USP54: variants seen among roughly 807,000 people sequenced by gnomAD.
USP54 encodes ubiquitin carboxyl-terminal hydrolase 54.
In USP54, 87 loss-of-function variants were observed where a neutral mutation model predicts 170.5. The observed-to-expected ratio is 0.51, with a 90% CI of 0.43 to 0.61. The LOEUF is 0.61. Ranked by LOEUF, USP54 falls within the 20% of genes least tolerant of loss-of-function variation. The probability of loss-of-function intolerance (pLI) is 0.00; values close to 1 mark genes in which losing one functional copy is unlikely to be tolerated. For missense variants in USP54, 1,786 were observed against 2,047.8 expected (o/e 0.87, Z 2.47); for synonymous variants, 655 against 742.8 (o/e 0.88, Z 1.92).
At chr10:73,501,274 T>C (rs2058057553) in intron 22 of USP54, among the ~76,000 whole-genome samples, 1 of 152,194 alleles carries the variant, frequency 6.6e-6, no homozygotes, top group African/African-American at 2.4e-5. Flanking sequence ...AATCAAGAAC[T>C]CTACCCCATC....
At chr10:73,609,486 C>T (rs2079950395) in intron 1 of USP54, among the ~76,000 whole-genome samples, 1 of 151,846 alleles carries the variant, frequency 6.6e-6, no homozygotes, top group Non-Finnish European at 1.5e-5. Context: ...CCGAGGTGGG[C>T]GAATCACTTG....
chr10:73,530,090 G>C (rs945649137), intron 14 of USP54, 53 bp downstream of exon 14: 26 of 1,540,224 alleles, frequency 1.7e-5, no homozygotes, highest in Non-Finnish European at 2.3e-5. Flanking sequence ...GTTTTAAAAA[G>C]ACATAAATCA....
intron 16 of USP54, 87 bp downstream of exon 16, chr10:73,526,560 T>G: frequency 6.4e-7 from 1 of 1,565,554 alleles, no homozygotes; most frequent in Non-Finnish European, 8.7e-7. Context: ...AACTGTCCTC[T>G]AATTTCAAAT....
Position 73,500,782 on chromosome 10 carries a change from A to G in USP54, c.4368T>C (p.Ser1456=). The G allele has an allele frequency of 6.2e-7, 1 of 1,601,758 alleles. No homozygotes were observed. Among genetic ancestry groups the G allele is most frequent in the Non-Finnish European group, 8.5e-7 (1 of 1,175,736 alleles). Residue 1456 remains serine (S), a synonymous_variant, in exon 23 of 24, where the codon TCT becomes TCC. Transcript: ENST00000687698. ...AAGGGTCATGGATGACAGGGAGGGA[A>G]GAGGAGCTGGAACAACGGTGCCCGG... ...LETGHRCSSS[S]SLPVIHDPSV... is the part of the protein sequence containing the mutation.
chr10:73,613,683 C>A (rs1307384819), intron 1 of USP54, among the ~76,000 whole-genome samples: 2 of 150,576 alleles, frequency 1.3e-5, no homozygotes, highest in East Asian at 4.0e-4. Context: ...TTTAAGACCA[C>A]CCTGGTCAAC....
At chr10:73,621,563 G>A (rs1289403584) in intron 1 of USP54, among the ~76,000 whole-genome samples, 1 of 137,182 alleles carries the variant, frequency 7.3e-6, no homozygotes, top group African/African-American at 2.7e-5. Context: ...TTGCGCCACT[G>A]TACTCCAGCC....
intron 23 of USP54, among the ~76,000 whole-genome samples, chr10:73,500,312 A>G (rs1436186128): frequency 1.3e-5 from 2 of 152,222 alleles, no homozygotes; most frequent in Non-Finnish European, 2.9e-5. Flanking sequence ...CTCAGAGGAT[A>G]GAAGGAGAGA....
At position 73,523,581 on chromosome 10, in the gene USP54, A is replaced by C. The variant is rs1036578227; in HGVS notation, c.2362+2T>G. ...CCACAACCTAATGCTCACAACAATT[A>C]CCCTGATTCTGCAGTTCATCCAAGT... On this transcript the variant is annotated splice_donor_variant, in intron 17 of 23. Transcript: ENST00000687698. LOFTEE classifies it high-confidence loss of function. The C allele has an allele frequency of 1.3e-6, 2 of 1,594,266 alleles. No homozygotes were observed. The highest frequency in any genetic ancestry group is 1.7e-6 in the Non-Finnish European group (2 of 1,166,656).
At chr10:73,500,569 T>C (rs1308678240) in intron 23 of USP54, 86 bp downstream of exon 23, 5 of 1,323,854 alleles carry the variant, frequency 3.8e-6, no homozygotes, top group Non-Finnish European at 5.1e-6. Context: ...GATACCCCCC[T>C]CCCCATAGGT....
At chr10:73,516,341 C>G in intron 20 of USP54, 34 bp downstream of exon 20, 2 of 1,565,998 alleles carry the variant, frequency 1.3e-6, no homozygotes, top group Non-Finnish European at 8.6e-7. Flanking sequence ...ATATGATCCT[C>G]CCCCCTCCCC....
intron 20 of USP54, among the ~76,000 whole-genome samples, chr10:73,507,973 A>G (rs973054105): frequency 1.3e-5 from 2 of 152,174 alleles, no homozygotes; most frequent in Admixed American, 6.6e-5. Context: ...CCTGGGTGAC[A>G]GAGTAAGACT....
intron 1 of USP54, 145 bp from the exon 2 acceptor site, chr10:73,576,506 GAAAAAAA>G (rs112010968): frequency 1.3e-5 from 1 of 74,882 alleles, no homozygotes; most frequent in African/African-American, 5.2e-5. Flanking sequence ...AAGAAAAAAA[GAAAAAAA>G]AAAAAAAGAG....
intron 1 of USP54, among the ~76,000 whole-genome samples, chr10:73,603,555 ACCTGTCTCTATTAAGC>A (rs1329094436): frequency 6.6e-6 from 1 of 151,936 alleles, no homozygotes; most frequent in Non-Finnish European, 1.5e-5. Context: ...TCTCTACTAA[ACCTGTCTCTATTAAGC>A]CCTGTCTCTA....
At chr10:73,622,590 C>T (rs1389836445) in intron 1 of USP54, among the ~76,000 whole-genome samples, 1 of 152,078 alleles carries the variant, frequency 6.6e-6, no homozygotes, top group Non-Finnish European at 1.5e-5. Context: ...TCCCAAAGTG[C>T]TGTGATGACA....
intron 20 of USP54, among the ~76,000 whole-genome samples, chr10:73,511,066 C>G (rs1160831150): frequency 6.7e-6 from 1 of 149,364 alleles, no homozygotes; most frequent in Non-Finnish European, 1.5e-5. Context: ...AGTGATTTGC[C>G]AACGGGTACA....
Position 73,539,454 on chromosome 10 carries a change from T to G in USP54, c.965A>C (p.His322Pro). ...IRKWMYFDDA[H>P]VKEIGPKWKD... ...CTTGACTACTCCTACCTCCTTGACA[T>G]GAGCATCATCAAAATACATCCATTT... is the stretch of plus-strand genomic sequence containing the variant. Residue 322 changes from histidine to proline, a missense_variant, in exon 10 of 24, where the codon CAT becomes CCT. This residue lies in a region of USP54 where 361 missense variants were observed against 455.0 expected (regional missense o/e 0.79). Coordinates refer to ENST00000687698, the MANE Select transcript of USP54 (RefSeq NM_001391956.1). The G allele has an allele frequency of 6.2e-7, 1 of 1,611,042 alleles. No homozygotes were observed.
intron 1 of USP54, among the ~76,000 whole-genome samples, chr10:73,596,431 C>T (rs1165155672): frequency 6.6e-6 from 1 of 151,252 alleles, no homozygotes; most frequent in South Asian, 2.1e-4. Context: ...TAGTGGCGGG[C>T]GCCTGTAGTC....
intron 2 of USP54, 32 bp downstream of exon 2, chr10:73,575,766 G>A: frequency 7.3e-7 from 1 of 1,374,816 alleles, no homozygotes; most frequent in South Asian, 1.6e-5. Flanking sequence ...AGAATTTAGT[G>A]AATTTATTTT....
intron 20 of USP54, 176 bp from the exon 21 acceptor site, chr10:73,505,602 G>T: frequency 1.9e-6 from 1 of 539,568 alleles, no homozygotes; most frequent in Non-Finnish European, 3.3e-6. Flanking sequence ...TGGGCGCGGT[G>T]GCTCACACCT....
Sources: gnomAD v4.1 joint callset for allele counts (sites outside exome capture counted in the v4.1 genomes callset) on GRCh38, gnomAD v4.1.1 for gene constraint, gnomAD v4.1.1 regional missense constraint, MANE v1.5 for transcripts, NCBI Gene and HGNC (gene_info 2026-07-23, HGNC 2026-07-21) for gene names.